ARHGAP15: variants seen among roughly 807,000 people sequenced by gnomAD.
ARHGAP15 encodes the protein Rho GTPase activating protein 15.
In ARHGAP15, 51 loss-of-function variants were observed where a neutral mutation model predicts 63.7. That is an observed-to-expected ratio of 0.80 (90% CI 0.64 to 1.01). The LOEUF is 1.01. ARHGAP15 is among the 50% of genes least tolerant of loss of function. ARHGAP15 has a pLI of 0.00. For synonymous variants in ARHGAP15, 191 were observed against 193.8 expected, an observed-to-expected ratio of 0.99 and a Z score of 0.12; for missense variants, 560 against 564.6, an observed-to-expected ratio of 0.99 and a Z score of 0.08.
intron 6 of ARHGAP15, among the ~76,000 whole-genome samples, chr2:143,325,714 G>GA (rs1473496177): frequency 2.0e-5 from 3 of 152,014 alleles, no homozygotes; most frequent in African/African-American, 7.2e-5. Flanking sequence ...GTATACTTCA[G>GA]AAAAAATCAC....
intron 11 of ARHGAP15, among the ~76,000 whole-genome samples, chr2:143,578,955 T>C (rs921357603): frequency 2.0e-5 from 3 of 152,158 alleles, no homozygotes; most frequent in African/African-American, 7.2e-5. Context: ...TAATATACAC[T>C]ACAAAGTTCT....
chr2:143,169,692 T>TG (rs1690692738), intron 2 of ARHGAP15, among the ~76,000 whole-genome samples: 1 of 151,232 alleles, frequency 6.6e-6, no homozygotes, highest in East Asian at 2.0e-4. Context: ...TGGGTAGATA[T>TG]GGAAAGCATT....
chr2:143,669,233 T>G (rs1005276342), intron 12 of ARHGAP15, among the ~76,000 whole-genome samples: 7 of 152,330 alleles, frequency 4.6e-5, no homozygotes, highest in Middle Eastern at 3.4e-3. Context: ...TTTACCTTAT[T>G]CAGCTGCCCA....
intron 2 of ARHGAP15, among the ~76,000 whole-genome samples, chr2:143,184,681 T>A (rs1691369244): frequency 6.6e-6 from 1 of 152,022 alleles, no homozygotes; most frequent in Non-Finnish European, 1.5e-5. Context: ...AGTCCTTTTC[T>A]TGCTGTTGTT....
At chr2:143,550,815 CATAG>C (rs1695526025) in intron 10 of ARHGAP15, among the ~76,000 whole-genome samples, 1 of 152,152 alleles carries the variant, frequency 6.6e-6, no homozygotes, top group South Asian at 2.1e-4. Flanking sequence ...ATTATTAACC[CATAG>C]ATAAGTCTCA....
chr2:143,556,516 A>T, intron 11 of ARHGAP15, 31 bp downstream of exon 11: 1 of 1,536,766 alleles, frequency 6.5e-7, no homozygotes, highest in Non-Finnish European at 9.0e-7. Flanking sequence ...AGATTTTTTC[A>T]AACAGTTTCA....
chr2:143,412,107 A>G (rs1025716235), intron 6 of ARHGAP15, among the ~76,000 whole-genome samples: 10 of 152,200 alleles, frequency 6.6e-5, no homozygotes, highest in Non-Finnish European at 1.3e-4. Context: ...GAGAAGTGAC[A>G]TGATTCTGTT....
intron 6 of ARHGAP15, among the ~76,000 whole-genome samples, chr2:143,254,211 C>T (rs1163503683): frequency 2.0e-5 from 3 of 152,022 alleles, no homozygotes. Context: ...CTTAAATAAT[C>T]CTAAATGTCA....
At chr2:143,339,140 T>C (rs1684940339) in intron 6 of ARHGAP15, among the ~76,000 whole-genome samples, 1 of 152,134 alleles carries the variant, frequency 6.6e-6, no homozygotes, top group South Asian at 2.1e-4. Flanking sequence ...TAATATTTAA[T>C]TAAAGAGCAG....
intron 11 of ARHGAP15, among the ~76,000 whole-genome samples, chr2:143,602,055 A>G (rs1038656234): frequency 1.3e-5 from 2 of 152,156 alleles, no homozygotes; most frequent in African/African-American, 2.4e-5. Flanking sequence ...GTATGTTATT[A>G]TGAGGTGTTC....
chr2:143,563,507 G>C (rs966073527), intron 11 of ARHGAP15, among the ~76,000 whole-genome samples: 3 of 152,148 alleles, frequency 2.0e-5, no homozygotes, highest in Admixed American at 6.5e-5. Context: ...TATGGTTTGG[G>C]AATATTCTAA....
chr2:143,562,261 AAAAG>A (rs1436478037), intron 11 of ARHGAP15, among the ~76,000 whole-genome samples: 1 of 152,232 alleles, frequency 6.6e-6, no homozygotes, highest in South Asian at 2.1e-4. Flanking sequence ...AAAATTGAAT[AAAAG>A]AAAGAGAAAG....
intron 5 of ARHGAP15, chr2:143,237,176 C>G (rs1216838090): frequency 6.6e-6 from 1 of 151,938 alleles, no homozygotes; most frequent in Non-Finnish European, 1.5e-5. Context: ...TATCAGTTGT[C>G]TATAAAATTA....
In ARHGAP15 at chr2:143,768,062, C is replaced by T. The variant is rs754914086; in HGVS notation, c.1318C>T (p.Arg440Ter). Residue 440 changes from arginine (R) to a stop codon, truncating the protein, a stop_gained, in exon 14 of 14, where the codon CGA becomes TGA. Transcript: ENST00000295095. LOFTEE classifies it high-confidence loss of function. ...GATTGTATTTGGACCTACCCTTCTG[C>T]GAGCTGAAAATGAAACAGGAAACAT... is the stretch of plus-strand genomic sequence containing the variant. ...LGIVFGPTLL[R>*]AENETGNMAI... 8 of 1,613,550 alleles carry T rather than the reference C, an allele frequency of 5.0e-6. No homozygotes were observed. The highest frequency in any genetic ancestry group is 4.4e-5 in the South Asian group (4 of 91,070).
At chr2:143,362,401 G>A (rs1446157964) in intron 6 of ARHGAP15, among the ~76,000 whole-genome samples, 1 of 152,144 alleles carries the variant, frequency 6.6e-6, no homozygotes, top group Non-Finnish European at 1.5e-5. Flanking sequence ...AGCCAGTCAA[G>A]GAATGTTTCT....
At chr2:143,225,409 G>T (rs1196381812) in intron 4 of ARHGAP15, among the ~76,000 whole-genome samples, 4 of 152,186 alleles carry the variant, frequency 2.6e-5, no homozygotes, top group Admixed American at 1.3e-4. Flanking sequence ...AGACCATCCT[G>T]GCTAACACGG....
intron 6 of ARHGAP15, among the ~76,000 whole-genome samples, chr2:143,269,373 T>TA (rs1681158016): frequency 6.6e-6 from 1 of 152,196 alleles, no homozygotes; most frequent in South Asian, 2.1e-4. Flanking sequence ...TCATGATCCT[T>TA]ACAATCAACT....
chr2:143,337,983 T>G (rs1388030093), intron 6 of ARHGAP15, among the ~76,000 whole-genome samples: 1 of 152,206 alleles, frequency 6.6e-6, no homozygotes, highest in African/African-American at 2.4e-5. Context: ...TCCCTTTCAC[T>G]TCTAGTTCTC....
intron 12 of ARHGAP15, among the ~76,000 whole-genome samples, chr2:143,696,954 C>T (rs183733446): frequency 6.6e-6 from 1 of 152,266 alleles, no homozygotes; most frequent in African/African-American, 2.4e-5. Context: ...GCCAAACTTA[C>T]AATGTATTTG....
Sources: allele counts gnomAD v4.1 joint callset (sites outside exome capture counted in the v4.1 genomes callset), GRCh38; gene constraint gnomAD v4.1.1; transcripts MANE v1.5; gene names NCBI Gene and HGNC (gene_info 2026-07-23, HGNC 2026-07-21).